MRPS35: variants seen among roughly 807,000 people sequenced by gnomAD.
MRPS35 encodes the protein mitochondrial ribosomal protein S35.
MRPS35 carries 29 observed loss-of-function variants against 32.7 expected under a neutral mutation model. The ratio of observed to expected loss-of-function variants is 0.89; its 90% confidence interval spans 0.66 to 1.21. The LOEUF is 1.21. MRPS35 is among the 50% of genes most tolerant of loss of function. The pLI, the probability that MRPS35 is intolerant of heterozygous loss-of-function variation, is 0.00. For synonymous variants in MRPS35, 148 were observed against 139.3 expected (o/e 1.06, Z -0.44); for missense variants, 373 against 383.8 (o/e 0.97, Z 0.23).
chr12:27,741,914 T>C (rs2061965677), intron 7 of MRPS35, among the ~76,000 whole-genome samples: 1 of 152,218 alleles, frequency 6.6e-6, no homozygotes, highest in South Asian at 2.1e-4. Flanking sequence ...GATAGTTTTA[T>C]TGTCAGAACT....
intron 2 of MRPS35, among the ~76,000 whole-genome samples, chr12:27,715,584 A>G (rs765462102): frequency 6.6e-6 from 1 of 152,256 alleles, no homozygotes; most frequent in Non-Finnish European, 1.5e-5. Context: ...AAGACACATT[A>G]GTTGGAAGTT....
In MRPS35 at chr12:27,741,690, G is replaced by A. The variant is rs192134118; in HGVS notation, c.702+4082G>A. ...GATTTTTTAATAATTGAAACCTTCCGTAAATGATTAGGTTGAGAAATAATG... is the reference window on the plus strand; with the variant it reads ...GATTTTTTAATAATTGAAACCTTCCATAAATGATTAGGTTGAGAAATAATG... On this transcript the variant is annotated intron_variant, in intron 7 of 7. Coordinates refer to ENST00000081029, the MANE Select transcript of MRPS35 (RefSeq NM_021821.4). 1.1e-4 allele frequency among the ~76,000 whole-genome samples: 16 copies of A among 152,080 alleles called. No individual in the cohort carries two copies. The East Asian group carries it at 2.1e-3, about 20-fold the overall frequency.
intron 4 of MRPS35, 80 bp downstream of exon 4, chr12:27,719,948 A>G: frequency 9.7e-7 from 1 of 1,033,086 alleles, no homozygotes. Flanking sequence ...TATACTGTAT[A>G]GCCTTATATT....
chr12:27,726,960 C>CTTT lies in MRPS35; in HGVS notation c.522+2790_522+2792dup, dbSNP rs140813983. ...GTCCTCTTACTTTCTTGATGATGTC[C>CTTT]TTTTTTTTTTTTTTTTTTGAGACGG... is the stretch of plus-strand genomic sequence containing the variant. On this transcript the variant is annotated intron_variant, in intron 5 of 7. Coordinates refer to ENST00000081029, the MANE Select transcript of MRPS35 (RefSeq NM_021821.4). Among the ~76,000 whole-genome samples, 388 of 123,240 alleles carry CTTT rather than the reference C, an allele frequency of 3.1e-3. 16 individuals carry two copies. Among genetic ancestry groups the CTTT allele is most frequent in the African/African-American group, 0.01 (336 of 32,380 alleles). The allele number at this position is 123,240 out of a possible 152,430, so 80.9% of individuals were successfully genotyped here. A position where few individuals can be genotyped will look rare whatever the true frequency, so the allele number is the denominator to read the frequency against.
intron 5 of MRPS35, among the ~76,000 whole-genome samples, chr12:27,730,288 A>G (rs1018525309): frequency 2.6e-5 from 4 of 152,186 alleles, no homozygotes; most frequent in African/African-American, 9.7e-5. Context: ...GATGTTTCTC[A>G]GACTTGACTT....
In MRPS35 at chr12:27,755,577, C is replaced by T. The variant is rs914868316; in HGVS notation, c.*127C>T. ...TCCTCAGAGTTAAAATTATTTCCCT[C>T]ATACTAATGCTTAATGGCAATGATT... On this transcript the variant is annotated 3_prime_UTR_variant, in exon 8 of 8. Transcript: ENST00000081029. The T allele has an allele frequency of 1.3e-5, 11 of 856,890 alleles. No homozygotes were observed. The highest frequency in any genetic ancestry group is 3.2e-5 in the Admixed American group (1 of 31,422). 53.1% of individuals were successfully genotyped at this position (856,890 alleles called of 1,614,324 possible).
Position 27,741,038 on chromosome 12 carries a change from G to A in MRPS35, c.702+3430G>A, listed in dbSNP as rs181932738. On this transcript the variant is annotated intron_variant, in intron 7 of 7. Transcript: ENST00000081029. ...AAAAAATTAGCCAGGCATGGTGGTG[G>A]GTGCCTGTAGTCCCAGCTACTCGGG... Among the ~76,000 whole-genome samples, 17 of 152,066 alleles carry A rather than the reference G, an allele frequency of 1.1e-4. No homozygotes were observed. In the East Asian group the frequency reaches 3.3e-3, roughly 30 times the overall value.
At chr12:27,719,088 G>GA (rs1187833556) in intron 3 of MRPS35, among the ~76,000 whole-genome samples, 2 of 151,584 alleles carry the variant, frequency 1.3e-5, no homozygotes, top group East Asian at 3.9e-4. Context: ...CCCTGTCTCA[G>GA]AAAAAAGAAA....
chr12:27,728,041 G>A (rs554676244), intron 5 of MRPS35, among the ~76,000 whole-genome samples: 8 of 152,050 alleles, frequency 5.3e-5, no homozygotes, highest in African/African-American at 1.7e-4. Flanking sequence ...TTCAATCCAC[G>A]TTCCAATCCA....
At chr12:27,723,906 A>G (rs755542360) in intron 4 of MRPS35, 141 bp from the exon 5 acceptor site, 69 of 714,766 alleles carry the variant, frequency 9.7e-5, no homozygotes, top group Admixed American at 3.9e-4. Context: ...GGATGATGCT[A>G]TATATGTAAA....
chr12:27,748,440 T>A (rs1182298506), intron 7 of MRPS35, among the ~76,000 whole-genome samples: 3 of 92,992 alleles, frequency 3.2e-5, no homozygotes, highest in African/African-American at 1.5e-4. Flanking sequence ...AGAAAAGTGG[T>A]GTGTGTGTGT....
At chr12:27,718,381 C>T (rs945389389) in intron 3 of MRPS35, among the ~76,000 whole-genome samples, 6 of 152,142 alleles carry the variant, frequency 3.9e-5, no homozygotes, top group South Asian at 2.1e-4. Flanking sequence ...GAGCCGGGGT[C>T]GTGCCACTGC....
intron 3 of MRPS35, 88 bp downstream of exon 3, chr12:27,716,546 C>T (rs2061851961): frequency 5.3e-6 from 7 of 1,314,700 alleles, no homozygotes; most frequent in South Asian, 3.7e-5. Flanking sequence ...TATGCTTCAC[C>T]GTTCAGTGTA....
intron 4 of MRPS35, among the ~76,000 whole-genome samples, chr12:27,722,121 G>A (rs947233709): frequency 6.6e-6 from 1 of 152,208 alleles, no homozygotes; most frequent in Non-Finnish European, 1.5e-5. Context: ...TTAAATGAGT[G>A]TCTTAATCTT....
At chr12:27,715,753 A>G (rs2061847679) in intron 2 of MRPS35, among the ~76,000 whole-genome samples, 1 of 152,190 alleles carries the variant, frequency 6.6e-6, no homozygotes, top group African/African-American at 2.4e-5. Context: ...ATCCCCTCGT[A>G]TTTGATGCCA....
At chr12:27,726,625 T>A (rs2061901731) in intron 5 of MRPS35, among the ~76,000 whole-genome samples, 1 of 152,154 alleles carries the variant, frequency 6.6e-6, no homozygotes, top group African/African-American at 2.4e-5. Flanking sequence ...ACCAGCAAGT[T>A]TGAGGCTTTC....
chr12:27,739,935 C>T (rs1010278530), intron 7 of MRPS35, among the ~76,000 whole-genome samples: 2 of 152,190 alleles, frequency 1.3e-5, no homozygotes, highest in Non-Finnish European at 1.5e-5. Flanking sequence ...GTGCTGATTA[C>T]TTTGATGCCA....
At chr12:27,738,127 T>C (rs1011541405) in intron 7 of MRPS35, among the ~76,000 whole-genome samples, 1 of 152,210 alleles carries the variant, frequency 6.6e-6, no homozygotes. Context: ...GGACCAGAAG[T>C]GTTTCAGACT....
intron 4 of MRPS35, among the ~76,000 whole-genome samples, chr12:27,720,841 T>C (rs2061871319): frequency 6.6e-6 from 1 of 152,066 alleles, no homozygotes; most frequent in Non-Finnish European, 1.5e-5. Flanking sequence ...TCTACATGCA[T>C]GGAGGTAAAG....
Sources: allele counts gnomAD v4.1 joint callset (sites outside exome capture counted in the v4.1 genomes callset), GRCh38; gene constraint gnomAD v4.1.1; transcripts MANE v1.5; gene names NCBI Gene and HGNC (gene_info 2026-07-23, HGNC 2026-07-21).